The following CIB1 variants were observed in gnomAD, a reference collection of about 807,000 sequenced individuals.
The protein encoded by CIB1 is calcium and integrin binding 1.
In CIB1, 19 loss-of-function variants were observed where a neutral mutation model predicts 25.0. That is an observed-to-expected ratio of 0.76 (90% CI 0.53 to 1.12). The LOEUF (loss-of-function observed/expected upper bound fraction) is 1.12. Among genes scored for constraint, CIB1 ranks in the 50% most tolerant of loss-of-function variants. The pLI, the probability that CIB1 is intolerant of heterozygous loss-of-function variation, is 0.00. For synonymous variants in CIB1, 104 were observed against 98.5 expected (o/e 1.06, Z -0.33); for missense variants, 236 against 242.6 (o/e 0.97, Z 0.18).
chr15:90,230,782 C>T, intron 6 of CIB1, 152 bp downstream of exon 6: 1 of 765,538 alleles, frequency 1.3e-6, no homozygotes, highest in Non-Finnish European at 2.2e-6. Flanking sequence ...GCTGCCCCTG[C>T]CCGGGGCGAG....
At chr15:90,235,462 G>A (rs763563423), upstream of CIB1, among the ~76,000 whole-genome samples, 3 of 151,998 alleles carry the variant, frequency 2.0e-5, no homozygotes, top group Non-Finnish European at 2.9e-5. Context: ...TGCAGTGAGC[G>A]GAGATTGTGC....
the CIB1 span, among the ~76,000 whole-genome samples, chr15:90,240,670 G>A: frequency 1.0e-3 from 153 of 151,908 alleles, no homozygotes; most frequent in African/African-American, 3.6e-3. Context: ...AAAATTACCC[G>A]GGCATGGTGG....
the CIB1 span, chr15:90,263,725 G>C: frequency 1.5e-6 from 1 of 667,404 alleles, no homozygotes; most frequent in Non-Finnish European, 2.7e-6. Flanking sequence ...GTAAGGGGCT[G>C]CTCTTCTCCT....
At chr15:90,265,010 A>C in the CIB1 span, 1 of 1,497,980 alleles carries the variant, frequency 6.7e-7, no homozygotes, top group South Asian at 1.3e-5. Context: ...TAACCTCCCC[A>C]GGTTTCCAAA....
the CIB1 span, chr15:90,258,802 A>G: frequency 6.2e-7 from 1 of 1,614,172 alleles, no homozygotes. Context: ...TAAAGGATGC[A>G]CTTCTCTGTG....
chr15:90,258,997 AG>A, the CIB1 span: 1 of 1,610,638 alleles, frequency 6.2e-7, no homozygotes, highest in South Asian at 1.1e-5. Flanking sequence ...CTTTAGATGA[AG>A]AATGTGGCCT....
the CIB1 span, chr15:90,256,406 C>T: frequency 7.3e-7 from 1 of 1,368,164 alleles, no homozygotes; most frequent in Non-Finnish European, 1.0e-6. Context: ...ACCCTTCCCA[C>T]TAGCCCCGTT....
the CIB1 span, chr15:90,262,695 C>G: frequency 6.9e-7 from 1 of 1,454,592 alleles, no homozygotes. Flanking sequence ...TAGCTCTTAT[C>G]TTTCCACAGG....
At chr15:90,255,946 G>C in the CIB1 span, 1 of 1,610,790 alleles carries the variant, frequency 6.2e-7, no homozygotes, top group Non-Finnish European at 8.5e-7. Flanking sequence ...CGCTCTCAGA[G>C]CTCTGGTCTT....
At chr15:90,236,960 T>C (rs868606494), upstream of CIB1, among the ~76,000 whole-genome samples, 1 of 151,970 alleles carries the variant, frequency 6.6e-6, no homozygotes, top group Middle Eastern at 3.4e-3. Flanking sequence ...TTTTATTTTT[T>C]ATTTTATTTA....
chr15:90,240,113 CT>C, the CIB1 span, among the ~76,000 whole-genome samples: 3,668 of 152,132 alleles, frequency 0.024, 141 homozygotes, highest in African/African-American at 0.08. Flanking sequence ...ATCCCAGCTA[CT>C]TGGGAGGCTG....
At chr15:90,258,107 C>G in the CIB1 span, 99 of 1,614,046 alleles carry the variant, frequency 6.1e-5, no homozygotes, top group Non-Finnish European at 7.7e-5. Flanking sequence ...GGGGGGACAT[C>G]GAGGACATCA....
chr15:90,256,054 T>C, the CIB1 span: 2 of 1,563,690 alleles, frequency 1.3e-6, no homozygotes, highest in East Asian at 2.2e-5. Flanking sequence ...AGGAAGAGCA[T>C]GGACTAGATA....
chr15:90,257,629 T>C, the CIB1 span: 1 of 1,613,862 alleles, frequency 6.2e-7, no homozygotes, highest in African/African-American at 1.3e-5. Flanking sequence ...GGGCCACTCT[T>C]TCCACAGGAC....
chr15:90,250,105 C>T, the CIB1 span, among the ~76,000 whole-genome samples: 1 of 150,690 alleles, frequency 6.6e-6, no homozygotes, highest in Non-Finnish European at 1.5e-5. Context: ...TTACAGGCAA[C>T]GCACCAGCAC....
chr15:90,247,747 T>C, the CIB1 span, among the ~76,000 whole-genome samples: 1 of 150,892 alleles, frequency 6.6e-6, no homozygotes. Context: ...GTTTGCTTTT[T>C]TTTTTTGAGA....
the CIB1 span, among the ~76,000 whole-genome samples, chr15:90,256,597 CTT>C: frequency 0.012 from 432 of 35,268 alleles, 8 homozygotes; most frequent in African/African-American, 0.043. Context: ...TTCTTTCTTT[CTT>C]TCTTTCTTTC....
At chr15:90,247,949 GC>G in the CIB1 span, among the ~76,000 whole-genome samples, 4 of 152,038 alleles carry the variant, frequency 2.6e-5, no homozygotes, top group South Asian at 8.3e-4. Flanking sequence ...CACCGTGTTA[GC>G]CAGGATGGTC....
chr15:90,261,844 G>A, the CIB1 span, among the ~76,000 whole-genome samples: 1 of 152,224 alleles, frequency 6.6e-6, no homozygotes, highest in Non-Finnish European at 1.5e-5. Context: ...CTACCCACAT[G>A]TGGGGCTAGC....
Sources: allele counts gnomAD v4.1 joint callset (sites outside exome capture counted in the v4.1 genomes callset), GRCh38; gene constraint gnomAD v4.1.1; transcripts MANE v1.5; gene names NCBI Gene and HGNC (gene_info 2026-07-23, HGNC 2026-07-21).